B9D1: variants seen among roughly 807,000 people sequenced by gnomAD.
B9D1 encodes B9 domain containing 1.
A neutral mutation model predicts 26.1 loss-of-function variants in B9D1; 20 were observed. The ratio of observed to expected loss-of-function variants is 0.77; its 90% CI spans 0.54 to 1.12. The LOEUF is 1.12. Ranked by LOEUF, B9D1 falls within the 50% of genes most tolerant of loss-of-function variation. B9D1 has a pLI of 0.00. For missense variants in B9D1, 260 were observed against 273.7 expected (o/e 0.95, Z 0.35); for synonymous variants, 105 against 103.1 (o/e 1.02, Z -0.11).
At chr17:19,362,349 C>A (rs1232548061) in intron 1 of B9D1, among the ~76,000 whole-genome samples, 158 bp downstream of exon 1, 1 of 152,196 alleles carries the variant, frequency 6.6e-6, no homozygotes, top group African/African-American at 2.4e-5. Flanking sequence ...GGCAACCTCG[C>A]GCCAAGCTCT....
At chr17:19,362,241 C>G (rs922595749) in intron 1 of B9D1, among the ~76,000 whole-genome samples, 1 of 152,270 alleles carries the variant, frequency 6.6e-6, no homozygotes. Flanking sequence ...TGGGCATGAC[C>G]CGTGCGAGGG....
intron 3 of B9D1, among the ~76,000 whole-genome samples, chr17:19,356,451 T>C (rs577626689): frequency 9.8e-5 from 15 of 152,294 alleles, no homozygotes; most frequent in Admixed American, 5.9e-4. Context: ...TGGAGCTGAA[T>C]AGAAGAATCA....
chr17:19,373,062 C>A (rs1166025766), intron 1 of B9D1, among the ~76,000 whole-genome samples: 1 of 152,084 alleles, frequency 6.6e-6, no homozygotes. Flanking sequence ...TGATTCAGGT[C>A]TGGCCAATCA....
Position 19,343,309 on chromosome 17 carries a change from T to C in B9D1, c.*10A>G, listed in dbSNP as rs926375160. The C allele has an allele frequency of 6.2e-7, 1 of 1,614,026 alleles. No individual in the cohort carries two copies. The highest frequency in any genetic ancestry group is 1.3e-5 in the African/African-American group (1 of 74,928). ...CTTCATTATCAGAGACTGTGCAGCC[T>C]GTGGAGCCTTCACTGGGGGAAGCTC... On this transcript the variant is annotated 3_prime_UTR_variant, in exon 7 of 7. Transcript: ENST00000261499.
At chr17:19,371,328 C>CTG (rs1172356879) in intron 1 of B9D1, 3 of 152,262 alleles carry the variant, frequency 2.0e-5, no homozygotes, top group African/African-American at 4.8e-5. Flanking sequence ...GAATGTAAAC[C>CTG]TGTACCTAAG....
intron 1 of B9D1, among the ~76,000 whole-genome samples, chr17:19,368,177 C>G (rs1911697165): frequency 1.3e-5 from 2 of 152,196 alleles, no homozygotes; most frequent in African/African-American, 4.8e-5. Context: ...CCTCAACTTG[C>G]AGTGTGAGCC....
chr17:19,342,840 T>C (rs1328948070), downstream of B9D1, among the ~76,000 whole-genome samples: 1 of 152,166 alleles, frequency 6.6e-6, no homozygotes, highest in Non-Finnish European at 1.5e-5. Context: ...CAGGGTTCTG[T>C]CCTTGCCAAG....
chr17:19,336,701 T>C (rs1907480203), downstream of B9D1: 1 of 152,616 alleles, frequency 6.6e-6, no homozygotes, highest in Admixed American at 6.5e-5. Flanking sequence ...ATATAATTTA[T>C]CATTTGTACC....
rs753961996 is a variant in B9D1, at chr17:19,347,288, T to C, written c.385A>G (p.Lys129Glu). 6 of 1,614,130 alleles carry C rather than the reference T, an allele frequency of 3.7e-6. No individual in the cohort carries two copies. In the African/African-American group the frequency reaches 8.0e-5, roughly 22 times the overall value. Residue 129 changes from lysine to glutamate, a missense_variant, in exon 5 of 7, where the codon AAA becomes GAA. Lys to Glu is a moderately conservative substitution (Grantham distance 56, BLOSUM62 1). Coordinates refer to ENST00000261499, the MANE Select transcript of B9D1 (RefSeq NM_015681.6). The surrounding 1 kb of genome is among the most constrained non-coding windows in gnomAD (Gnocchi z 4.3). Reference sequence around the variant, plus strand: ...ACTCACCTTGTAAACTTCTGCAGTTTAGACGTAGATTCTGGGACAAACATG... The same window carrying C: ...ACTCACCTTGTAAACTTCTGCAGTTCAGACGTAGATTCTGGGACAAACATG... ...IPMFVPESTSKLQKFTSWFMG... is the reference protein window; with the variant it reads ...IPMFVPESTSELQKFTSWFMG...
downstream of B9D1, among the ~76,000 whole-genome samples, chr17:19,338,936 A>G (rs1907681314): frequency 6.6e-6 from 1 of 152,242 alleles, no homozygotes; most frequent in African/African-American, 2.4e-5. Flanking sequence ...TTACACAGCA[A>G]TGGACAACTC....
chr17:19,341,009 C>T (rs1013046370), downstream of B9D1: 54 of 568,782 alleles, frequency 9.5e-5, no homozygotes, highest in Admixed American at 9.3e-4. Context: ...TATACAAGTA[C>T]GGAACAGGAA....
At chr17:19,341,146 G>T, downstream of B9D1, 6 of 1,230,246 alleles carry the variant, frequency 4.9e-6, no homozygotes, top group Non-Finnish European at 6.1e-6. Context: ...CCAGAAGAGG[G>T]TGACTTAGTA....
downstream of B9D1, chr17:19,342,991 TG>T: frequency 1.1e-6 from 1 of 905,662 alleles, no homozygotes; most frequent in Non-Finnish European, 1.5e-6. Flanking sequence ...TGGCAGAACC[TG>T]GTTATGTCAA....
At chr17:19,377,476 G>T (rs73980067) in intron 1 of B9D1, among the ~76,000 whole-genome samples, 10,830 of 152,256 alleles carry the variant, frequency 0.071, 1,329 homozygotes, top group African/African-American at 0.25. Flanking sequence ...GTACACCAAA[G>T]GGGAGGTAGG....
At chr17:19,371,035 C>T (rs1911867101) in intron 1 of B9D1, among the ~76,000 whole-genome samples, 1 of 152,198 alleles carries the variant, frequency 6.6e-6, no homozygotes, top group South Asian at 2.1e-4. Context: ...ACCCTGAGCC[C>T]CTGCATGTAA....
At chr17:19,374,879 T>G (rs932360253) in intron 1 of B9D1, among the ~76,000 whole-genome samples, 12 of 152,244 alleles carry the variant, frequency 7.9e-5, no homozygotes, top group African/African-American at 2.9e-4. Flanking sequence ...AGTAAATATC[T>G]GTAAATCATC....
chr17:19,348,019 G>C, intron 3 of B9D1, 139 bp from the exon 4 acceptor site: 2 of 747,036 alleles, frequency 2.7e-6, no homozygotes, highest in Non-Finnish European at 4.7e-6. Flanking sequence ...GAGGGGACAG[G>C]AGCAGGCATG....
rs1567888761 is a variant in B9D1, at chr17:19,347,831, A to G, written c.294T>C (p.Asp98=). Residue 98 remains aspartate, a synonymous_variant, in exon 4 of 7, where the codon GAT becomes GAC. Transcript: ENST00000261499. The surrounding 1 kb of genome is among the most constrained non-coding windows in gnomAD (Gnocchi z 4.3). ...GCACGGCCCCATAGCCTCGAACCAC[A>G]TCGTTCCCGAACACATCTGGTCCAT... The part of the protein sequence containing the change: ...SVYGPDVFGN[D]VVRGYGAVHV... 1.9e-6 allele frequency: 3 copies of G among 1,613,950 alleles called. No individual in the cohort carries two copies. The highest frequency in any genetic ancestry group is 1.7e-5 in the Admixed American group (1 of 60,010).
At position 19,372,880 on chromosome 17, in the gene B9D1, T is replaced by C. The variant is rs912445229; in HGVS notation, c.-298+4979A>G. 2.6e-5 allele frequency among the ~76,000 whole-genome samples: 4 copies of C among 152,184 alleles called. No homozygotes were observed. Among genetic ancestry groups the C allele is most frequent in the Non-Finnish European group, 4.4e-5 (3 of 68,032 alleles). On this transcript the variant is annotated intron_variant, in intron 1 of 5. Transcript: ENST00000477478. The surrounding 1 kb of genome is among the most constrained non-coding windows in gnomAD (Gnocchi z 4.4). ...CCTCAAAGTTTTTAACCACACCCAC[T>C]CTTGCGGCAGAGGGGTGCGAACAGT... is the stretch of plus-strand genomic sequence containing the variant.
Sources: allele counts gnomAD v4.1 joint callset (sites outside exome capture counted in the v4.1 genomes callset), GRCh38; gene constraint gnomAD v4.1.1; non-coding constraint Gnocchi (gnomAD v3.1); transcripts MANE v1.5; gene names NCBI Gene and HGNC (gene_info 2026-07-23, HGNC 2026-07-21).